Variants in ADAMTSL1 observed in about 807,000 individuals in gnomAD.
ADAMTSL1 encodes ADAMTS-like protein 1.
ADAMTSL1 carries 126 observed loss-of-function variants against 201.8 expected under a neutral mutation model. The observed-to-expected ratio is 0.62, with a 90% CI of 0.54 to 0.72. The LOEUF (loss-of-function observed/expected upper bound fraction) is 0.72. ADAMTSL1 is among the 30% of genes least tolerant of loss of function. The pLI is 0.00. For missense variants in ADAMTSL1, 2,679 were observed against 2,277.8 expected (o/e 1.18, Z -3.59); for synonymous variants, 1,121 against 903.4 (o/e 1.24, Z -4.32).
chr9:18,273,220 C>A (rs1288898209), intron 2 of ADAMTSL1, among the ~76,000 whole-genome samples: 2 of 152,162 alleles, frequency 1.3e-5, no homozygotes, highest in African/African-American at 4.8e-5. Context: ...GCAGGGACTA[C>A]AGGCAGGCAC....
intron 25 of ADAMTSL1, chr9:18,890,496 A>ACTAC (rs765770233): frequency 6.4e-5 from 29 of 455,854 alleles, no homozygotes; most frequent in Non-Finnish European, 1.1e-4. Flanking sequence ...ATGCCCCTTT[A>ACTAC]CTACCTATCT....
intron 1 of ADAMTSL1, among the ~76,000 whole-genome samples, chr9:17,941,338 A>G (rs960974094): frequency 6.6e-6 from 1 of 152,128 alleles, no homozygotes; most frequent in Non-Finnish European, 1.5e-5. Context: ...TTCATGCTTC[A>G]GTTGCCAGCC....
intron 15 of ADAMTSL1, among the ~76,000 whole-genome samples, chr9:18,751,002 T>A (rs2133599696): frequency 6.6e-6 from 1 of 152,304 alleles, no homozygotes; most frequent in Non-Finnish European, 1.5e-5. Flanking sequence ...AGCATTATCC[T>A]TTTTGTGACC....
upstream of ADAMTSL1, among the ~76,000 whole-genome samples, chr9:18,473,693 G>A (rs1310898911): frequency 6.6e-6 from 1 of 152,070 alleles, no homozygotes; most frequent in East Asian, 1.9e-4. Flanking sequence ...TTCCCTTTAT[G>A]GCATATGTTA....
intron 1 of ADAMTSL1, among the ~76,000 whole-genome samples, chr9:18,493,916 C>G (rs547099979): frequency 1.3e-5 from 2 of 152,154 alleles, no homozygotes. Context: ...CAAGGCACTG[C>G]GCATATTCAG....
intron 1 of ADAMTSL1, among the ~76,000 whole-genome samples, chr9:17,955,036 A>G (rs527778028): frequency 6.6e-6 from 1 of 152,170 alleles, no homozygotes; most frequent in African/African-American, 2.4e-5. Context: ...AAAATAATGA[A>G]GAATGAGGTA....
intron 1 of ADAMTSL1, among the ~76,000 whole-genome samples, chr9:17,974,213 C>G (rs550706356): frequency 6.6e-6 from 1 of 151,936 alleles, no homozygotes; most frequent in Non-Finnish European, 1.5e-5. Context: ...TCTCACCACT[C>G]CTATTCAACA....
At chr9:18,304,663 G>C (rs1180654263) in intron 2 of ADAMTSL1, among the ~76,000 whole-genome samples, 1 of 149,096 alleles carries the variant, frequency 6.7e-6, no homozygotes, top group Non-Finnish European at 1.5e-5. Flanking sequence ...TTTTTTTTTA[G>C]GACTATGCTT....
intron 2 of ADAMTSL1, among the ~76,000 whole-genome samples, chr9:18,284,197 C>A (rs1014069012): frequency 2.0e-5 from 3 of 151,736 alleles, no homozygotes; most frequent in African/African-American, 7.3e-5. Context: ...CCATTGCACT[C>A]CAGCCTGGGC....
At chr9:18,765,467 A>T (rs1186165864) in intron 16 of ADAMTSL1, among the ~76,000 whole-genome samples, 2 of 150,792 alleles carry the variant, frequency 1.3e-5, no homozygotes, top group African/African-American at 2.5e-5. Context: ...GAGAAAAAAA[A>T]TACACTGCAT....
chr9:17,929,581 G>C (rs1202098575), intron 1 of ADAMTSL1, among the ~76,000 whole-genome samples: 1 of 151,878 alleles, frequency 6.6e-6, no homozygotes, highest in African/African-American at 2.4e-5. Flanking sequence ...TTCTACCCAG[G>C]TGTCCTGCCC....
At chr9:18,429,486 G>A (rs2153419) in intron 2 of ADAMTSL1, among the ~76,000 whole-genome samples, 12,553 of 151,994 alleles carry the variant, frequency 0.083, 686 homozygotes, top group Non-Finnish European at 0.12. Flanking sequence ...AATAAGTGAC[G>A]GTTTCTAAAC....
intron 4 of ADAMTSL1, among the ~76,000 whole-genome samples, chr9:18,574,855 C>G (rs1410758879): frequency 6.6e-6 from 1 of 152,142 alleles, no homozygotes; most frequent in Non-Finnish European, 1.5e-5. Flanking sequence ...ATCCATTCAT[C>G]AATGTCTACT....
chr9:18,718,002 G>A (rs761922427), intron 14 of ADAMTSL1: 20 of 1,592,230 alleles, frequency 1.3e-5, no homozygotes, highest in Admixed American at 1.0e-4. Flanking sequence ...GACTTTTTGC[G>A]AGCCTTCCCA....
chr9:18,632,957 T>C (rs1826870998), intron 5 of ADAMTSL1, among the ~76,000 whole-genome samples: 1 of 152,168 alleles, frequency 6.6e-6, no homozygotes, highest in African/African-American at 2.4e-5. Flanking sequence ...TCCTCTCTTT[T>C]TTGGGGGTGC....
Position 18,753,391 on chromosome 9 carries a change from G to C in ADAMTSL1, c.2100G>C (p.Glu700Asp). 2 of 1,613,020 alleles carry C rather than the reference G, an allele frequency of 1.2e-6. No homozygotes were observed. Among genetic ancestry groups the C allele is most frequent in the Non-Finnish European group, 1.7e-6 (2 of 1,179,578 alleles). ...TCTGCAGCCACCTGCTTTCCAGAGA[G>C]ATGAATGAAACAGTCATCCTGGCTG... is the stretch of plus-strand genomic sequence containing the variant. ...DVFCSHLLSREMNETVILADE... is the reference protein window; with the variant it reads ...DVFCSHLLSRDMNETVILADE... Residue 700 changes from glutamate to aspartate, a missense_variant, in exon 16 of 29, where the codon GAG becomes GAC. Transcript: ENST00000380548.
At position 17,920,808 on chromosome 9, in the gene ADAMTSL1, G is replaced by C. The variant is rs1032733201; in HGVS notation, c.87+13886G>C. ...CTAACTTCTCAACTCTGCCTTTATAGCATGAAAGAAGCCTAGACAGTTGTA... is the reference window on the plus strand; with the variant it reads ...CTAACTTCTCAACTCTGCCTTTATACCATGAAAGAAGCCTAGACAGTTGTA... On this transcript the variant is annotated intron_variant, in intron 1 of 29. Transcript: ENST00000680146. Among the ~76,000 whole-genome samples the C allele has an allele frequency of 2.6e-5, 4 of 152,182 alleles. No homozygotes were observed. In the East Asian group the frequency reaches 7.7e-4, roughly 29 times the overall value.
At chr9:18,848,254 C>G (rs572547610) in intron 23 of ADAMTSL1, among the ~76,000 whole-genome samples, 158 of 152,278 alleles carry the variant, frequency 1.0e-3, no homozygotes, top group African/African-American at 3.7e-3. Flanking sequence ...TTCGAGATCT[C>G]AGGATGGGAC....
intron 2 of ADAMTSL1, among the ~76,000 whole-genome samples, chr9:18,356,636 C>CACACAA (rs1353005419): frequency 7.0e-6 from 1 of 142,814 alleles, no homozygotes; most frequent in Non-Finnish European, 1.5e-5. Context: ...CACACACACA[C>CACACAA]AACTTTCCTA....
Sources: allele counts gnomAD v4.1 joint callset (sites outside exome capture counted in the v4.1 genomes callset), GRCh38; gene constraint gnomAD v4.1.1; transcripts MANE v1.5; gene names NCBI Gene and HGNC (gene_info 2026-07-23, HGNC 2026-07-21).